TMEM135: variants seen among roughly 807,000 people sequenced by gnomAD.
TMEM135 encodes transmembrane protein 135, also known as peroxisomal membrane protein 52.
A neutral mutation model predicts 60.3 loss-of-function variants in TMEM135; 30 were observed. The observed-to-expected ratio is 0.50, with a 90% CI of 0.37 to 0.68. The LOEUF (loss-of-function observed/expected upper bound fraction) is 0.68. Ranked by LOEUF, TMEM135 falls within the 30% of genes least tolerant of loss-of-function variation. The pLI, the probability that TMEM135 is intolerant of heterozygous loss-of-function variation, is 0.00. For synonymous variants in TMEM135, 190 were observed against 186.7 expected (o/e 1.02, Z -0.14); for missense variants, 468 against 548.8 (o/e 0.85, Z 1.47).
chr11:87,290,091 GTACATCTTT>G (rs1462171708), intron 6 of TMEM135, among the ~76,000 whole-genome samples: 5 of 152,078 alleles, frequency 3.3e-5, no homozygotes, highest in Admixed American at 2.0e-4. Context: ...GATTTATAAA[GTACATCTTT>G]TACATCTTTT....
chr11:87,178,327 A>G (rs1308582040), intron 5 of TMEM135: 5 of 443,584 alleles, frequency 1.1e-5, no homozygotes, highest in Non-Finnish European at 2.3e-5. Flanking sequence ...AACAAAGTCC[A>G]GATATATTTT....
intron 4 of TMEM135, among the ~76,000 whole-genome samples, chr11:87,149,840 A>G (rs955711638): frequency 6.6e-6 from 1 of 152,226 alleles, no homozygotes; most frequent in Non-Finnish European, 1.5e-5. Flanking sequence ...TTAAAATTGT[A>G]AAGTATTTGA....
At chr11:87,046,789 C>T (rs992608445) in intron 1 of TMEM135, among the ~76,000 whole-genome samples, 1 of 152,142 alleles carries the variant, frequency 6.6e-6, no homozygotes, top group Non-Finnish European at 1.5e-5. Flanking sequence ...AAGAAAGAAG[C>T]AGACAGAGCT....
At chr11:87,106,016 A>G (rs943774261) in intron 4 of TMEM135, among the ~76,000 whole-genome samples, 1 of 152,114 alleles carries the variant, frequency 6.6e-6, no homozygotes, top group African/African-American at 2.4e-5. Flanking sequence ...ATGAGTGAGA[A>G]TATGTGATGT....
At chr11:87,110,735 A>G (rs542758616) in intron 4 of TMEM135, among the ~76,000 whole-genome samples, 1 of 152,030 alleles carries the variant, frequency 6.6e-6, no homozygotes, top group African/African-American at 2.4e-5. Flanking sequence ...ATAGAACTCT[A>G]TTTTTGACTG....
chr11:87,073,878 G>C (rs1335328309), intron 3 of TMEM135, among the ~76,000 whole-genome samples: 1 of 152,018 alleles, frequency 6.6e-6, no homozygotes, highest in Non-Finnish European at 1.5e-5. Context: ...ATGCTAGCCA[G>C]GTTGGTCTCA....
At chr11:87,208,579 C>CA (rs1483702904) in intron 5 of TMEM135, among the ~76,000 whole-genome samples, 1 of 152,158 alleles carries the variant, frequency 6.6e-6, no homozygotes, top group Non-Finnish European at 1.5e-5. Context: ...ACCAAACCTA[C>CA]AACTCATTGG....
chr11:87,302,696 C>A (rs996537274), intron 8 of TMEM135, among the ~76,000 whole-genome samples: 4 of 152,020 alleles, frequency 2.6e-5, no homozygotes, highest in African/African-American at 9.7e-5. Flanking sequence ...TCAAACCAGG[C>A]AGAATTACAG....
chr11:87,067,553 T>C, intron 1 of TMEM135, 141 bp from the exon 2 acceptor site: 1 of 1,129,538 alleles, frequency 8.9e-7, no homozygotes, highest in South Asian at 1.4e-5. Context: ...GAACATTGTA[T>C]TTTTATAGAA....
intron 3 of TMEM135, among the ~76,000 whole-genome samples, chr11:87,088,166 A>C (rs940824739): frequency 5.3e-5 from 8 of 152,132 alleles, no homozygotes; most frequent in Non-Finnish European, 1.2e-4. Context: ...AGAAAGTGAC[A>C]TTCTTTACTC....
At chr11:87,248,542 G>A (rs933024136) in intron 6 of TMEM135, among the ~76,000 whole-genome samples, 6 of 152,046 alleles carry the variant, frequency 3.9e-5, no homozygotes, top group African/African-American at 1.2e-4. Context: ...TTGAAGTCAG[G>A]TAATATGATT....
chr11:87,241,588 A>C lies in TMEM135; in HGVS notation c.509+4904A>C, dbSNP rs185450239. Among the ~76,000 whole-genome samples, 319 of 152,202 alleles carry C rather than the reference A, an allele frequency of 2.1e-3. 1 individual carries two copies. Among genetic ancestry groups the C allele is most frequent in the South Asian group, 3.5e-3 (17 of 4,828 alleles). ...TAGTCACCCTGTTGTGCTATCAAATAGTAGTTCTTATTCTTTGTATCTAAC... is the reference window on the plus strand; with the variant it reads ...TAGTCACCCTGTTGTGCTATCAAATCGTAGTTCTTATTCTTTGTATCTAAC... On this transcript the variant is annotated intron_variant, in intron 6 of 14. Transcript: ENST00000305494.
At chr11:87,304,341 A>G (rs114043897) in intron 8 of TMEM135, among the ~76,000 whole-genome samples, 51 of 152,276 alleles carry the variant, frequency 3.3e-4, no homozygotes, top group African/African-American at 1.1e-3. Context: ...GATCATGCCA[A>G]TGCACTCCAG....
In TMEM135 at chr11:87,118,902, G is replaced by A. The variant is rs192239121; in HGVS notation, c.396+27507G>A. On this transcript the variant is annotated intron_variant, in intron 4 of 14. Coordinates refer to ENST00000305494, the MANE Select transcript of TMEM135 (RefSeq NM_022918.4). ...CTTCATAGAATTGAAGAGAGTTAGG[G>A]CCTTGCTCTGGATTAGGTTTTGGTG... 2.9e-3 allele frequency among the ~76,000 whole-genome samples: 442 copies of A among 152,176 alleles called. 2 individuals are homozygous for A. Among genetic ancestry groups the A allele is most frequent in the African/African-American group, 9.7e-3 (404 of 41,532 alleles).
At chr11:87,235,717 A>G (rs896698043) in intron 5 of TMEM135, among the ~76,000 whole-genome samples, 1 of 150,758 alleles carries the variant, frequency 6.6e-6, no homozygotes, top group Non-Finnish European at 1.5e-5. Flanking sequence ...TGCATTCTAC[A>G]ATTTTAATTT....
At chr11:87,246,444 T>G (rs1401972647) in intron 6 of TMEM135, among the ~76,000 whole-genome samples, 1 of 152,128 alleles carries the variant, frequency 6.6e-6, no homozygotes, top group Non-Finnish European at 1.5e-5. Flanking sequence ...TCCTGCAGAG[T>G]GTTTTCCAAC....
chr11:87,183,182 G>A (rs554643686), intron 5 of TMEM135, among the ~76,000 whole-genome samples: 64 of 125,244 alleles, frequency 5.1e-4, no homozygotes, highest in South Asian at 3.3e-3. Context: ...TTGCTCTGTC[G>A]CCCAGGCTGG....
chr11:87,195,734 A>C (rs1939940986), intron 5 of TMEM135, among the ~76,000 whole-genome samples: 1 of 152,096 alleles, frequency 6.6e-6, no homozygotes, highest in Admixed American at 6.6e-5. Context: ...CTTACTTCAC[A>C]CGAGTAAAAA....
chr11:87,284,686 C>T (rs1942131807), intron 6 of TMEM135, among the ~76,000 whole-genome samples: 1 of 152,116 alleles, frequency 6.6e-6, no homozygotes, highest in Non-Finnish European at 1.5e-5. Context: ...ATTTTTAATA[C>T]ACTGGGGAAT....
Sources: allele counts gnomAD v4.1 joint callset (sites outside exome capture counted in the v4.1 genomes callset), GRCh38; gene constraint gnomAD v4.1.1; transcripts MANE v1.5; gene names NCBI Gene and HGNC (gene_info 2026-07-23, HGNC 2026-07-21).